Variants in SMIM8 observed in about 807,000 individuals in gnomAD.
The protein encoded by SMIM8 is small integral membrane protein 8, also known as UPF0708 protein C6orf162.
SMIM8 carries 8 observed loss-of-function variants against 8.1 expected under a neutral mutation model. The ratio of observed to expected loss-of-function variants is 0.99; its 90% CI spans 0.58 to 1.78. SMIM8 has a LOEUF of 1.78. Among genes scored for constraint, SMIM8 ranks in the 40% most tolerant of loss-of-function variants. The pLI, the probability that SMIM8 is intolerant of heterozygous loss-of-function variation, is 0.00. For missense variants in SMIM8, 126 were observed against 119.8 expected, an observed-to-expected ratio of 1.05 and a Z score of -0.24; for synonymous variants, 45 against 39.7, an observed-to-expected ratio of 1.13 and a Z score of -0.50.
At chr6:87,334,860 G>C (rs1328047997) in intron 2 of SMIM8, among the ~76,000 whole-genome samples, 1 of 152,192 alleles carries the variant, frequency 6.6e-6, no homozygotes, top group African/African-American at 2.4e-5. Context: ...GATTGACAAG[G>C]GAATGCAAGG....
rs1777204583 is a variant in SMIM8 at position 87,340,499 on chromosome 6, A to G, written c.*225A>G. On this transcript the variant is annotated 3_prime_UTR_variant, in exon 4 of 4. Transcript: ENST00000392863. ...AGCGTCATAATATTTTTCTTTCCTTACCTCTTATAAAAGTGCCATGAGAAT... is the reference window on the plus strand; with the variant it reads ...AGCGTCATAATATTTTTCTTTCCTTGCCTCTTATAAAAGTGCCATGAGAAT... 4 of 318,290 alleles carry G rather than the reference A, an allele frequency of 1.3e-5. No individual in the cohort carries two copies. Among genetic ancestry groups the G allele is most frequent in the Non-Finnish European group, 2.2e-5 (4 of 179,072 alleles). The allele number at this position is 318,290 out of a possible 1,614,324, so 19.7% of individuals were successfully genotyped here. A position where few individuals can be genotyped will look rare whatever the true frequency, so the allele number is the denominator to read the frequency against.
At chr6:87,328,096 T>C (rs1378758704) in intron 1 of SMIM8, among the ~76,000 whole-genome samples, 2 of 152,242 alleles carry the variant, frequency 1.3e-5, no homozygotes, top group African/African-American at 4.8e-5. Context: ...GCCTTGGTTT[T>C]CAGCTCCATC....
At position 87,337,140 on chromosome 6, in the gene SMIM8, G is replaced by A. The variant is rs141864670; in HGVS notation, c.109G>A (p.Val37Met). 1 of 1,612,498 alleles carries A rather than the reference G, an allele frequency of 6.2e-7. No homozygotes were observed. Among genetic ancestry groups the A allele is most frequent in the Non-Finnish European group, 8.5e-7 (1 of 1,179,112 alleles). ...GVRTTTLFRA[V>M]NPELFIKPNK... ...GCGCACAACAACCTTATTTCGTGCT[G>A]TGAATCCAGAGCTCTTCATTAAACC... Residue 37 changes from valine (V) to methionine (M), a missense_variant, in exon 3 of 4, where the codon GTG (valine) becomes ATG (methionine). Transcript: ENST00000392863.
rs758805399 is a variant in SMIM8 at position 87,337,871 on chromosome 6, T to A, written c.135+705T>A. ...TTGAACTCCTGGCCTTAAGCGATTCTCCCACCTCAGCCTCCCAAATTGTTG... is the reference window on the plus strand; with the variant it reads ...TTGAACTCCTGGCCTTAAGCGATTCACCCACCTCAGCCTCCCAAATTGTTG... On this transcript the variant is annotated intron_variant, in intron 3 of 3. Transcript: ENST00000392863. 4.6e-5 allele frequency among the ~76,000 whole-genome samples: 7 copies of A among 152,258 alleles called. No homozygotes were observed. The South Asian group carries it at 6.2e-4, about 14-fold the overall frequency.
intron 3 of SMIM8, 40 bp downstream of exon 3, chr6:87,337,206 A>G: frequency 6.5e-7 from 1 of 1,526,992 alleles, no homozygotes; most frequent in Non-Finnish European, 8.8e-7. Flanking sequence ...TGTTTAATCC[A>G]ACCAGACTGT....
chr6:87,325,162 T>G (rs1054704266), intron 1 of SMIM8, among the ~76,000 whole-genome samples: 1 of 152,194 alleles, frequency 6.6e-6, no homozygotes, highest in African/African-American at 2.4e-5. Context: ...TAAGGAGATG[T>G]TGGGCTGAGA....
intron 3 of SMIM8, 98 bp from the exon 4 acceptor site, chr6:87,340,018 T>C: frequency 1.1e-6 from 1 of 879,790 alleles, no homozygotes; most frequent in Non-Finnish European, 1.7e-6. Flanking sequence ...AGTGTTGTAA[T>C]AAAGATGTGG....
chr6:87,337,177 C>T lies in SMIM8; in HGVS notation c.135+11C>T, dbSNP rs753466969. On this transcript the variant is annotated intron_variant, in intron 3 of 3. Transcript: ENST00000392863. ...CTCTTCATTAAACCTGTAAGAAATA[C>T]ATCCAGGATAAGACTTTGTGTTTAA... 4 of 1,602,570 alleles carry T rather than the reference C, an allele frequency of 2.5e-6. No homozygotes were observed. Among genetic ancestry groups the T allele is most frequent in the Admixed American group, 1.7e-5 (1 of 58,630 alleles).
Position 87,337,078 on chromosome 6 carries a change from AAG to A in SMIM8, c.51_52del (p.Lys18ArgfsTer26). The A allele has an allele frequency of 6.2e-7, 1 of 1,613,138 alleles. No individual in the cohort carries two copies. The highest frequency in any genetic ancestry group is 2.2e-5 in the East Asian group (1 of 44,856). The stretch of plus-strand genomic sequence containing the variant: ...CCAACATTCAAAAAGGAACCACCCA[AAG>A]AGAAAGAGTTTCAAAGCCCAGGGCT... On this transcript the variant is annotated frameshift_variant, in exon 3 of 4. Coordinates refer to ENST00000392863, the MANE Select transcript of SMIM8 (RefSeq NM_001042493.3). LOFTEE classifies it high-confidence loss of function.
intron 1 of SMIM8, among the ~76,000 whole-genome samples, chr6:87,324,370 T>C (rs1224247954): frequency 1.1e-4 from 17 of 152,036 alleles, no homozygotes; most frequent in Non-Finnish European, 1.6e-4. Context: ...ATGGTAATGC[T>C]TAGGTTTTCT....
At chr6:87,327,837 T>C (rs1293054035) in intron 1 of SMIM8, among the ~76,000 whole-genome samples, 8 of 149,498 alleles carry the variant, frequency 5.4e-5, no homozygotes, top group Admixed American at 1.3e-4. Flanking sequence ...CTGGATAATA[T>C]CCTGCAGAGT....
intron 2 of SMIM8, among the ~76,000 whole-genome samples, chr6:87,336,780 C>G (rs1304576699): frequency 6.6e-6 from 1 of 152,050 alleles, no homozygotes; most frequent in Non-Finnish European, 1.5e-5. Context: ...ACAACCTTTG[C>G]CCACCACTTT....
intron 1 of SMIM8, among the ~76,000 whole-genome samples, chr6:87,326,569 G>C (rs1776826685): frequency 1.3e-5 from 2 of 149,990 alleles, no homozygotes; most frequent in Non-Finnish European, 3.0e-5. Context: ...CCATGTAGTT[G>C]AGTGGTTTTG....
chr6:87,337,245 T>G (rs1777134807), intron 3 of SMIM8, 79 bp downstream of exon 3: 1 of 1,442,950 alleles, frequency 6.9e-7, no homozygotes, highest in East Asian at 2.4e-5. Context: ...TTGTATTTGA[T>G]TTTATCATGG....
At chr6:87,327,132 C>A (rs940935925) in intron 1 of SMIM8, among the ~76,000 whole-genome samples, 2 of 151,540 alleles carry the variant, frequency 1.3e-5, no homozygotes, top group Non-Finnish European at 2.9e-5. Context: ...AGATGTTCCT[C>A]CATCCTTTTA....
At position 87,337,135 on chromosome 6, in the gene SMIM8, G is replaced by A. The variant is rs776901757; in HGVS notation, c.104G>A (p.Arg35His). 5.0e-6 allele frequency: 8 copies of A among 1,612,436 alleles called. No homozygotes were observed. Among genetic ancestry groups the A allele is most frequent in the Admixed American group, 1.7e-5 (1 of 59,944 alleles). ...GGGGTGCGCACAACAACCTTATTTC[G>A]TGCTGTGAATCCAGAGCTCTTCATT... is the stretch of plus-strand genomic sequence containing the variant. ...LRGVRTTTLF[R>H]AVNPELFIKP... is the part of the protein sequence containing the mutation. Residue 35 changes from arginine to histidine, a missense_variant, in exon 3 of 4, where the codon CGT (arginine) becomes CAT (histidine). Physicochemically the swap from Arg to His is conservative, Grantham distance 29. Transcript: ENST00000392863.
chr6:87,330,098 C>G (rs1371833090), intron 1 of SMIM8, among the ~76,000 whole-genome samples: 1 of 152,154 alleles, frequency 6.6e-6, no homozygotes, highest in African/African-American at 2.4e-5. Context: ...CTGATTCTAT[C>G]CCAAACTTGT....
At chr6:87,328,843 C>A (rs1039918712) in intron 1 of SMIM8, among the ~76,000 whole-genome samples, 1 of 152,218 alleles carries the variant, frequency 6.6e-6, no homozygotes, top group African/African-American at 2.4e-5. Context: ...GGGCGCCCCT[C>A]CCCCAGCCTC....
intron 1 of SMIM8, among the ~76,000 whole-genome samples, chr6:87,327,047 T>G (rs1372059788): frequency 6.7e-6 from 1 of 149,586 alleles, no homozygotes; most frequent in African/African-American, 2.5e-5. Context: ...CTTTTGATCT[T>G]TGTTGGTTAA....
Sources: gnomAD v4.1 joint callset for allele counts (sites outside exome capture counted in the v4.1 genomes callset) on GRCh38, gnomAD v4.1.1 for gene constraint, MANE v1.5 for transcripts, NCBI Gene and HGNC (gene_info 2026-07-23, HGNC 2026-07-21) for gene names.